The following ZFR2 variants were observed in gnomAD, a reference collection of about 807,000 sequenced individuals.
ZFR2 encodes zinc finger RNA binding protein 2, also known as zinc finger RNA-binding protein 2.
A neutral mutation model predicts 105.7 loss-of-function variants in ZFR2; 104 were observed. The ratio of observed to expected loss-of-function variants is 0.98; its 90% CI spans 0.84 to 1.16. The LOEUF is 1.16. Ranked by LOEUF, ZFR2 falls within the 50% of genes most tolerant of loss-of-function variation. The probability of loss-of-function intolerance (pLI) is 0.00; values close to 1 mark genes in which losing one functional copy is unlikely to be tolerated. For missense variants in ZFR2, 1,425 were observed against 1,355.5 expected (o/e 1.05, Z -0.80); for synonymous variants, 634 against 597.7 (o/e 1.06, Z -0.89).
At chr19:3,808,324 T>A (rs917540986) in intron 17 of ZFR2, among the ~76,000 whole-genome samples, 8 of 152,256 alleles carry the variant, frequency 5.3e-5, no homozygotes, top group African/African-American at 1.9e-4. Context: ...GAAAGCTTCA[T>A]GCTCCCTTTT....
chr19:3,830,969 A>C (rs1249304359), intron 5 of ZFR2, among the ~76,000 whole-genome samples: 1 of 147,520 alleles, frequency 6.8e-6, no homozygotes, highest in East Asian at 2.1e-4. Flanking sequence ...ACACGCACAC[A>C]CATGCACACA....
In ZFR2 at chr19:3,804,175, T is replaced by C. The variant is rs1454019007; in HGVS notation, c.*1774A>G. The C allele has an allele frequency of 6.6e-6, 1 of 152,192 alleles. No individual in the cohort carries two copies. The allele number at this position is 152,192 out of a possible 1,614,324, so 9.4% of individuals were successfully genotyped here. A position where few individuals can be genotyped will look rare whatever the true frequency, so the allele number is the denominator to read the frequency against. On this transcript the variant is annotated 3_prime_UTR_variant, in exon 19 of 19. Coordinates refer to ENST00000262961, the MANE Select transcript of ZFR2 (RefSeq NM_015174.2). ...ATCACATCTGCCCAAAGGTGGACTT[T>C]TCTCATTCAATGCCACTGGGCAGCT...
intron 1 of ZFR2, among the ~76,000 whole-genome samples, chr19:3,852,791 C>T (rs1158741545): frequency 1.3e-5 from 2 of 151,048 alleles, no homozygotes; most frequent in Non-Finnish European, 3.0e-5. Context: ...ACCAAGGCAG[C>T]CCAGGGCAGT....
At chr19:3,835,184 C>T (rs2038067286) in intron 1 of ZFR2, among the ~76,000 whole-genome samples, 1 of 152,182 alleles carries the variant, frequency 6.6e-6, no homozygotes, top group African/African-American at 2.4e-5. Context: ...CTGGGCCTAT[C>T]ACTGCACCCA....
chr19:3,825,756 C>T (rs889274302), intron 6 of ZFR2, among the ~76,000 whole-genome samples: 1 of 152,142 alleles, frequency 6.6e-6, no homozygotes, highest in African/African-American at 2.4e-5. Flanking sequence ...CAGCCTAGTG[C>T]TCCCTGACTG....
chr19:3,856,050 G>A (rs181150964), intron 1 of ZFR2, among the ~76,000 whole-genome samples: 28 of 152,314 alleles, frequency 1.8e-4, no homozygotes, highest in Admixed American at 1.8e-3. Flanking sequence ...AGAAGGAAGC[G>A]TGAAGGTCCA....
rs778303779 is a variant in ZFR2, at chr19:3,822,156, C to G, written c.1416G>C (p.Leu472=). The part of the protein sequence containing the change: ...EGRVLRFHCK[L]CECSFNDLNA... ...TAAGGTCGTTGAAACTGCACTCGCA[C>G]AGCTTGCAGTGGAAGCGAAGCACTC... Residue 472 remains leucine, a synonymous_variant, in exon 9 of 19, where the codon CTG becomes CTC. Coordinates refer to ENST00000262961, the MANE Select transcript of ZFR2 (RefSeq NM_015174.2). 1 of 1,608,996 alleles carries G rather than the reference C, an allele frequency of 6.2e-7. No homozygotes were observed. The highest frequency in any genetic ancestry group is 8.5e-7 in the Non-Finnish European group (1 of 1,178,064).
chr19:3,841,224 C>T (rs1021460691), intron 1 of ZFR2, among the ~76,000 whole-genome samples: 1 of 152,268 alleles, frequency 6.6e-6, no homozygotes, highest in Non-Finnish European at 1.5e-5. Context: ...CCACCCCCTT[C>T]GCAAACCCTC....
Position 3,822,079 on chromosome 19 carries a change from A to C in ZFR2, c.1491+2T>G, listed in dbSNP as rs2037901244. 6.3e-7 allele frequency: 1 copy of C among 1,597,230 alleles called. No individual in the cohort carries two copies. ...TGTCGGAGCTCCCCCTGCTGGACGCACCCGGTACTGCAGCCGGTGCCGCCG... is the reference window on the plus strand; with the variant it reads ...TGTCGGAGCTCCCCCTGCTGGACGCCCCCGGTACTGCAGCCGGTGCCGCCG... On this transcript the variant is annotated splice_donor_variant, in intron 9 of 18. Transcript: ENST00000262961. LOFTEE classifies it high-confidence loss of function.
intron 10 of ZFR2, 77 bp downstream of exon 10, chr19:3,821,263 A>G: frequency 7.0e-7 from 1 of 1,424,484 alleles, no homozygotes; most frequent in South Asian, 1.4e-5. Flanking sequence ...CGTAATCTGC[A>G]GCAGTGGGCG....
chr19:3,859,732 T>C (rs1315706344), intron 1 of ZFR2, among the ~76,000 whole-genome samples: 1 of 152,188 alleles, frequency 6.6e-6, no homozygotes, highest in African/African-American at 2.4e-5. Context: ...CAAGTCTGTT[T>C]TACCAGCAGT....
intron 2 of ZFR2, among the ~76,000 whole-genome samples, 157 bp from the exon 3 acceptor site, chr19:3,833,935 AGG>A (rs1256835851): frequency 6.7e-6 from 1 of 149,460 alleles, no homozygotes; most frequent in South Asian, 2.3e-4. Flanking sequence ...GCCCGGAGGC[AGG>A]GGGCAGGGGG....
Position 3,834,874 on chromosome 19 carries a change from C to A in ZFR2, c.163G>T (p.Ala55Ser). The change falls in exon 2 of 19, where the codon GCA (alanine) becomes TCA (serine). Residue 55 changes from alanine (A) to serine (S), a missense_variant. Physicochemically the swap from Ala to Ser is moderately conservative, Grantham distance 99. Coordinates refer to ENST00000262961, the MANE Select transcript of ZFR2 (RefSeq NM_015174.2). The surrounding 1 kb of genome is among the most constrained non-coding windows in gnomAD (Gnocchi z 5.3). ...TGGGGCTGGTATCCACCGTACCCTGCCGGGGCAGCTGGGGGAAAGGCCGGG... is the reference window on the plus strand; with the variant it reads ...TGGGGCTGGTATCCACCGTACCCTGACGGGGCAGCTGGGGGAAAGGCCGGG... Reference protein sequence around the residue: ...VNPAFPPAAPAGYGGYQPHSG... With the variant: ...VNPAFPPAAPSGYGGYQPHSG... 1 of 1,611,322 alleles carries A rather than the reference C, an allele frequency of 6.2e-7. No homozygotes were observed.
chr19:3,823,470 A>G lies in ZFR2; in HGVS notation c.1214-67T>C. The G allele has an allele frequency of 2.7e-6, 4 of 1,500,026 alleles. No individual in the cohort carries two copies. Among genetic ancestry groups the G allele is most frequent in the Non-Finnish European group, 3.6e-6 (4 of 1,123,720 alleles). The allele number at this position is 1,500,026 out of a possible 1,614,324, so 92.9% of individuals were successfully genotyped here. On this transcript the variant is annotated intron_variant, in intron 7 of 18. Coordinates refer to ENST00000262961, the MANE Select transcript of ZFR2 (RefSeq NM_015174.2). The surrounding 1 kb of genome is among the most constrained non-coding windows in gnomAD (Gnocchi z 5.4). ...AAAGCACTGCAGCTGCAGACCCGCC[A>G]GGCGGCATGGGGTGGAGAGCCACCC...
At chr19:3,828,452 C>T (rs1202017508) in intron 5 of ZFR2, among the ~76,000 whole-genome samples, 1 of 152,154 alleles carries the variant, frequency 6.6e-6, no homozygotes, top group Non-Finnish European at 1.5e-5. Flanking sequence ...TTGGGGGCTG[C>T]TGTATACAGA....
At chr19:3,850,900 CAAAAA>C (rs59933286) in intron 1 of ZFR2, among the ~76,000 whole-genome samples, 75 of 92,490 alleles carry the variant, frequency 8.1e-4, no homozygotes, top group Admixed American at 1.6e-3. Context: ...GCAGTCTTTT[CAAAAA>C]AAAAAAAAAA....
At position 3,837,913 on chromosome 19, in the gene ZFR2, G is replaced by A. The variant is rs556065848; in HGVS notation, c.54-2930C>T. Reference sequence around the variant, plus strand: ...CAGACACCTGGTGAACACCATGACTGTGACACACGATGAACATGACTATGA... The same window carrying A: ...CAGACACCTGGTGAACACCATGACTATGACACACGATGAACATGACTATGA... On this transcript the variant is annotated intron_variant, in intron 1 of 18. Transcript: ENST00000262961. Among the ~76,000 whole-genome samples the A allele has an allele frequency of 4.8e-3, 729 of 152,164 alleles. 2 individuals carry two copies. Among genetic ancestry groups the A allele is most frequent in the Non-Finnish European group, 8.0e-3 (546 of 68,020 alleles).
intron 1 of ZFR2, among the ~76,000 whole-genome samples, chr19:3,856,172 G>A (rs2038299105): frequency 6.6e-6 from 1 of 152,154 alleles, no homozygotes; most frequent in Non-Finnish European, 1.5e-5. Flanking sequence ...TTTGGGATCT[G>A]CACGAAGGAC....
Position 3,823,495 on chromosome 19 carries a change from CAGACTG to C in ZFR2, c.1214-98_1214-93del. 9 of 1,336,718 alleles carry C rather than the reference CAGACTG, an allele frequency of 6.7e-6. No individual in the cohort carries two copies. The highest frequency in any genetic ancestry group is 1.5e-5 in the African/African-American group (1 of 68,380). The allele number at this position is 1,336,718 out of a possible 1,614,324, so 82.8% of individuals were successfully genotyped here. A position where few individuals can be genotyped will look rare whatever the true frequency, so the allele number is the denominator to read the frequency against. On this transcript the variant is annotated intron_variant, in intron 7 of 18. Transcript: ENST00000262961. The surrounding 1 kb of genome is among the most constrained non-coding windows in gnomAD (Gnocchi z 5.4). ...AGGCGGCATGGGGTGGAGAGCCACC[CAGACTG>C]CAGGCTGTGCCATCCCCCTCCCTCC...
Sources: gnomAD v4.1 joint callset for allele counts (sites outside exome capture counted in the v4.1 genomes callset) on GRCh38, gnomAD v4.1.1 for gene constraint, Gnocchi (gnomAD v3.1) non-coding constraint, MANE v1.5 for transcripts, NCBI Gene and HGNC (gene_info 2026-07-23, HGNC 2026-07-21) for gene names.